The following CDKL3 variants were observed in gnomAD, a reference collection of about 807,000 sequenced individuals.
The protein encoded by CDKL3 is cyclin-dependent kinase-like 3.
Under a neutral mutation model 69.3 loss-of-function variants are expected in CDKL3, and 65 were observed. The ratio of observed to expected loss-of-function variants is 0.94; its 90% confidence interval spans 0.77 to 1.15. The LOEUF (loss-of-function observed/expected upper bound fraction) is 1.15, where lower values mean the gene tolerates loss of function less well. Ranked by LOEUF, CDKL3 falls within the 50% of genes most tolerant of loss-of-function variation. CDKL3 has a pLI of 0.00. For missense variants in CDKL3, 652 were observed against 689.2 expected (o/e 0.95, Z 0.61); for synonymous variants, 202 against 221.6 (o/e 0.91, Z 0.79).
intron 5 of CDKL3, among the ~76,000 whole-genome samples, chr5:134,320,980 T>G (rs1255192082): frequency 6.6e-6 from 1 of 150,500 alleles, no homozygotes; most frequent in South Asian, 2.1e-4. Flanking sequence ...GATCATCAAA[T>G]AATTAAACTC....
chr5:134,331,517 C>T (rs1775810241), intron 4 of CDKL3, among the ~76,000 whole-genome samples: 1 of 152,058 alleles, frequency 6.6e-6, no homozygotes, highest in South Asian at 2.1e-4. Flanking sequence ...CATGTGTTCT[C>T]ATTGTTCAAC....
rs1309296608 is a variant in CDKL3 at position 134,319,418 on chromosome 5, G to A, written c.732C>T (p.His244=). ...FAGVVLPQVQ[H]PKNARKKYPK... Reference sequence around the variant, plus strand: ...GATATTTTTTTCTTGCATTTTTGGGGTGTTGAACTTGAGGAAGAACTACCC... The same window carrying A: ...GATATTTTTTTCTTGCATTTTTGGGATGTTGAACTTGAGGAAGAACTACCC... The change falls in exon 6 of 13, where the codon CAC becomes CAT. Residue 244 remains histidine (H), a synonymous_variant. Coordinates refer to ENST00000265334, the MANE Select transcript of CDKL3 (RefSeq NM_001113575.2). 9.1e-6 allele frequency: 14 copies of A among 1,542,418 alleles called. No individual in the cohort carries two copies. Among genetic ancestry groups the A allele is most frequent in the Non-Finnish European group, 1.2e-5 (14 of 1,144,100 alleles).
intron 2 of CDKL3, among the ~76,000 whole-genome samples, chr5:134,362,660 G>A (rs1581250640): frequency 6.6e-6 from 1 of 152,218 alleles, no homozygotes; most frequent in South Asian, 2.1e-4. Flanking sequence ...CAGGTGCAGT[G>A]GCTCACACCT....
upstream of CDKL3, among the ~76,000 whole-genome samples, chr5:134,368,444 C>T (rs1364271678): frequency 6.6e-6 from 1 of 151,920 alleles, no homozygotes; most frequent in Non-Finnish European, 1.5e-5. Context: ...CGGTGAAACC[C>T]CATTTCTACT....
chr5:134,322,106 C>T (rs556750841), intron 4 of CDKL3, among the ~76,000 whole-genome samples: 7 of 152,202 alleles, frequency 4.6e-5, no homozygotes, highest in South Asian at 4.2e-4. Flanking sequence ...CTGCAACCTC[C>T]GGGTTCAAGC....
intron 4 of CDKL3, among the ~76,000 whole-genome samples, chr5:134,334,512 G>A (rs937960519): frequency 6.6e-6 from 1 of 152,118 alleles, no homozygotes; most frequent in Non-Finnish European, 1.5e-5. Context: ...GGTATGTTGT[G>A]TCTTTGTTCT....
At position 134,360,344 on chromosome 5, in the gene CDKL3, A is replaced by C. The variant is rs527960101; in HGVS notation, c.166-253T>G. Among the ~76,000 whole-genome samples, 15 of 152,142 alleles carry C rather than the reference A, an allele frequency of 9.9e-5. No individual in the cohort carries two copies. The East Asian group carries it at 1.9e-3, about 20-fold the overall frequency. On this transcript the variant is annotated intron_variant, in intron 2 of 12. Coordinates refer to ENST00000265334, the MANE Select transcript of CDKL3 (RefSeq NM_001113575.2). ...CTCAGCCTCCTGAACAGCTGGGATT[A>C]CAAGCGTGCACCACCATGCCCAGCT...
At chr5:134,354,686 C>T (rs774911298) in intron 3 of CDKL3, among the ~76,000 whole-genome samples, 3 of 152,170 alleles carry the variant, frequency 2.0e-5, no homozygotes, top group African/African-American at 7.2e-5. Flanking sequence ...CGGTGGCTCA[C>T]GCCTGTAATC....
At chr5:134,295,433 C>T (rs17167436), downstream of CDKL3, among the ~76,000 whole-genome samples, 23,603 of 152,068 alleles carry the variant, frequency 0.16, 2,364 homozygotes, top group African/African-American at 0.28. Context: ...ATCTTTGACA[C>T]TGGAGTAAGG....
At chr5:134,360,187 T>C in intron 2 of CDKL3, 96 bp from the exon 3 acceptor site, 1 of 849,412 alleles carries the variant, frequency 1.2e-6, no homozygotes, top group Non-Finnish European at 1.8e-6. Context: ...AGTCATATTC[T>C]TAGCTTTGTT....
upstream of CDKL3, chr5:134,371,119 G>T: frequency 4.3e-6 from 1 of 230,816 alleles, no homozygotes; most frequent in Non-Finnish European, 8.7e-6. Context: ...ACAAGGCCGC[G>T]GGCAGTCACG....
At chr5:134,288,197 A>C (rs1252226032) in intron 8 of CDKL3, among the ~76,000 whole-genome samples, 1 of 152,098 alleles carries the variant, frequency 6.6e-6, no homozygotes, top group Non-Finnish European at 1.5e-5. Context: ...CCTGGCCTGT[A>C]ACTTTACTTT....
At chr5:134,364,749 G>A (rs1321228095) in intron 2 of CDKL3, among the ~76,000 whole-genome samples, 1 of 151,836 alleles carries the variant, frequency 6.6e-6, no homozygotes, top group Non-Finnish European at 1.5e-5. Flanking sequence ...CTGACCTCAG[G>A]TGATCTGCCT....
At position 134,342,183 on chromosome 5, in the gene CDKL3, A is replaced by G. The variant is rs1433490704; in HGVS notation, c.539+8066T>C. Among the ~76,000 whole-genome samples the G allele has an allele frequency of 2.6e-5, 4 of 152,344 alleles. No individual in the cohort carries two copies. The East Asian group carries it at 7.7e-4, about 29-fold the overall frequency. ...GTATTTTTATGCCCGTGCAATGAAC[A>G]ATTTGAAATCAAATTAAGAAAACTC... On this transcript the variant is annotated intron_variant, in intron 4 of 12. Coordinates refer to ENST00000265334, the MANE Select transcript of CDKL3 (RefSeq NM_001113575.2).
downstream of CDKL3, among the ~76,000 whole-genome samples, chr5:134,284,879 TA>T (rs1343317813): frequency 6.6e-6 from 1 of 152,212 alleles, no homozygotes; most frequent in East Asian, 1.9e-4. Context: ...TATTCTTTTT[TA>T]GGATGCCCAG....
chr5:134,347,946 G>A (rs1033117058), intron 4 of CDKL3, among the ~76,000 whole-genome samples: 1 of 152,078 alleles, frequency 6.6e-6, no homozygotes, highest in African/African-American at 2.4e-5. Flanking sequence ...AATTGACTAT[G>A]GTTATGGTTG....
chr5:134,358,924 A>G (rs1755288971), intron 3 of CDKL3, among the ~76,000 whole-genome samples: 1 of 152,148 alleles, frequency 6.6e-6, no homozygotes, highest in African/African-American at 2.4e-5. Context: ...TACCAGCACT[A>G]TCTACTGAGC....
At chr5:134,319,639 T>C in intron 5 of CDKL3, 142 bp from the exon 6 acceptor site, 1 of 841,592 alleles carries the variant, frequency 1.2e-6, no homozygotes, top group Non-Finnish European at 1.7e-6. Context: ...TTTTTTGAAG[T>C]TGAATAAAAA....
chr5:134,335,148 T>A lies in CDKL3; in HGVS notation c.540-13245A>T, dbSNP rs1200559580. On this transcript the variant is annotated intron_variant, in intron 4 of 12. Coordinates refer to ENST00000265334, the MANE Select transcript of CDKL3 (RefSeq NM_001113575.2). Reference sequence around the variant, plus strand: ...CCAGGATTTCAACCTCTGCTTTTTTTTTTTTTTTCCGCTTTCCATTTGCTT... The same window carrying A: ...CCAGGATTTCAACCTCTGCTTTTTTATTTTTTTTCCGCTTTCCATTTGCTT... Among the ~76,000 whole-genome samples, 3 of 151,958 alleles carry A rather than the reference T, an allele frequency of 2.0e-5. No individual in the cohort carries two copies. The East Asian group carries it at 5.8e-4, about 29-fold the overall frequency.
Sources: gnomAD v4.1 joint callset for allele counts (sites outside exome capture counted in the v4.1 genomes callset) on GRCh38, gnomAD v4.1.1 for gene constraint, MANE v1.5 for transcripts, NCBI Gene and HGNC (gene_info 2026-07-23, HGNC 2026-07-21) for gene names.